Variants in TACC2 observed in about 807,000 individuals in gnomAD.
TACC2 encodes the protein transforming acidic coiled-coil-containing protein 2.
Under a neutral mutation model 227.3 loss-of-function variants are expected in TACC2, and 137 were observed. That is an observed-to-expected ratio of 0.60 (90% CI 0.52 to 0.69). The LOEUF is 0.69. Among genes scored for constraint, TACC2 ranks in the 30% least tolerant of loss-of-function variants. The pLI, the probability that TACC2 is intolerant of heterozygous loss-of-function variation, is 0.00. For missense variants in TACC2, 3,470 were observed against 3,694.4 expected (o/e 0.94, Z 1.57); for synonymous variants, 1,523 against 1,487.5 (o/e 1.02, Z -0.55).
chr10:122,064,905 A>G (rs1221431078), intron 3 of TACC2, among the ~76,000 whole-genome samples: 1 of 152,134 alleles, frequency 6.6e-6, no homozygotes, highest in Non-Finnish European at 1.5e-5. Flanking sequence ...GGTCATTTTC[A>G]TCATACCAGA....
intron 5 of TACC2, among the ~76,000 whole-genome samples, chr10:122,089,427 C>G (rs896278075): frequency 2.0e-5 from 3 of 152,238 alleles, no homozygotes; most frequent in Non-Finnish European, 4.4e-5. Context: ...TCTCGAGATT[C>G]AAGGAGGGTA....
At chr10:122,023,105 C>T (rs552827290) in intron 2 of TACC2, 3 of 152,166 alleles carry the variant, frequency 2.0e-5, no homozygotes, top group South Asian at 4.2e-4. Flanking sequence ...TGCAGTGGCA[C>T]AATCTCCGTC....
chr10:122,102,125 A>C (rs1202317665), intron 5 of TACC2, among the ~76,000 whole-genome samples: 1 of 152,020 alleles, frequency 6.6e-6, no homozygotes, highest in Non-Finnish European at 1.5e-5. Context: ...TTTATGGGCC[A>C]CCCTTTAAGT....
intron 7 of TACC2, among the ~76,000 whole-genome samples, chr10:122,155,570 G>T (rs1217656012): frequency 6.6e-6 from 1 of 152,166 alleles, no homozygotes; most frequent in African/African-American, 2.4e-5. Context: ...TTAGGTGAGG[G>T]TGTTGGCTCT....
In TACC2 at chr10:122,210,995, G is replaced by C; in HGVS notation, c.6570G>C (p.Glu2190Asp). Residue 2190 changes from glutamate to aspartate, a missense_variant, in exon 9 of 23, where the codon GAG (glutamate) becomes GAC (aspartate). Transcript: ENST00000369005. This position sits in a 1 kb window ranked among gnomAD's most constrained non-coding sequence, Gnocchi z 4.6. ...GTCCTAGCCCAGCCTTATTGGAGGA[G>C]ACGCCCCTTGAGCCCGCTGTGGGGC... ...TEGPSPALLEETPLEPAVGPK... is the reference protein window; with the variant it reads ...TEGPSPALLEDTPLEPAVGPK... The C allele has an allele frequency of 6.2e-7, 1 of 1,613,126 alleles. No individual in the cohort carries two copies. The highest frequency in any genetic ancestry group is 8.5e-7 in the Non-Finnish European group (1 of 1,179,670).
Position 122,085,685 on chromosome 10 carries a change from C to A in TACC2, c.3185C>A (p.Ala1062Asp). ...CTGGATGCAGTTCCCTGCCTGCCAGCCCTGGCGCCCGCCAGCCCCGGAGTC... is the reference window on the plus strand; with the variant it reads ...CTGGATGCAGTTCCCTGCCTGCCAGACCTGGCGCCCGCCAGCCCCGGAGTC... ...ALLDAVPCLP[A>D]LAPASPGVTP... The change falls in exon 4 of 23, where the codon GCC becomes GAC. Residue 1062 changes from alanine (A) to aspartate (D), a missense_variant. Around this residue, in one of 10 missense-constraint regions of TACC2, gnomAD observed 1,924 missense variants for 1,978.3 expected, o/e 0.97. Coordinates refer to ENST00000369005, the MANE Select transcript of TACC2 (RefSeq NM_206862.4). 1 of 1,613,750 alleles carries A rather than the reference C, an allele frequency of 6.2e-7. No individual in the cohort carries two copies. Among genetic ancestry groups the A allele is most frequent in the Non-Finnish European group, 8.5e-7 (1 of 1,180,028 alleles).
intron 3 of TACC2, among the ~76,000 whole-genome samples, chr10:122,065,419 C>G (rs2077273888): frequency 6.6e-6 from 1 of 152,040 alleles, no homozygotes. Context: ...GTTATTGTTT[C>G]CAAATAGTTG....
chr10:122,167,991 A>T lies in TACC2; in HGVS notation c.5834+24285A>T, dbSNP rs368738438. 3.5e-3 allele frequency among the ~76,000 whole-genome samples: 519 copies of T among 147,058 alleles called. 1 individual carries two copies. Among genetic ancestry groups the T allele is most frequent in the Middle Eastern group, 7.2e-3 (2 of 276 alleles). On this transcript the variant is annotated intron_variant, in intron 7 of 22. Transcript: ENST00000369005. ...AGCCTCCACCTTCCGGACTCAAGGG[A>T]TTTTCCTACCTCATCCTCTCAAGTA... is the stretch of plus-strand genomic sequence containing the variant.
intron 1 of TACC2, among the ~76,000 whole-genome samples, chr10:122,018,876 G>A (rs1957003657): frequency 6.6e-6 from 1 of 152,136 alleles, no homozygotes; most frequent in Non-Finnish European, 1.5e-5. Context: ...CACCTCCAAG[G>A]AGCTCCTAAG....
intron 8 of TACC2, among the ~76,000 whole-genome samples, chr10:122,203,282 CA>C (rs1565603231): frequency 0.024 from 3,371 of 139,418 alleles, 315 homozygotes; most frequent in African/African-American, 0.082. Flanking sequence ...GCTGGCCGGG[CA>C]GAGGGGCTCC....
At chr10:122,124,439 C>A (rs2086436941) in intron 5 of TACC2, among the ~76,000 whole-genome samples, 1 of 152,196 alleles carries the variant, frequency 6.6e-6, no homozygotes, top group Non-Finnish European at 1.5e-5. Context: ...GCATTATCTT[C>A]TGAATATTCT....
At chr10:122,241,154 G>C (rs995210019) in intron 18 of TACC2, among the ~76,000 whole-genome samples, 1 of 152,194 alleles carries the variant, frequency 6.6e-6, no homozygotes, top group Admixed American at 6.5e-5. Context: ...AGAAGGCCGA[G>C]AGCAAACAAG....
chr10:122,153,532 G>A (rs1027845278), intron 7 of TACC2, among the ~76,000 whole-genome samples: 1 of 152,168 alleles, frequency 6.6e-6, no homozygotes, highest in Admixed American at 6.5e-5. Flanking sequence ...CTCGGGTTTC[G>A]AGTCCCAGAG....
chr10:122,177,117 G>A (rs1011883503), intron 7 of TACC2, among the ~76,000 whole-genome samples: 2 of 152,288 alleles, frequency 1.3e-5, no homozygotes, highest in African/African-American at 4.8e-5. Flanking sequence ...CAGCTTTTCA[G>A]AGCCACTCCT....
At chr10:122,231,820 G>C (rs1255891379) in intron 16 of TACC2, among the ~76,000 whole-genome samples, 1 of 152,184 alleles carries the variant, frequency 6.6e-6, no homozygotes, top group Admixed American at 6.5e-5. Flanking sequence ...CAGCCAAGGT[G>C]ACAGAGCGAG....
chr10:122,172,460 G>A (rs966085263), intron 7 of TACC2, among the ~76,000 whole-genome samples: 7 of 152,120 alleles, frequency 4.6e-5, no homozygotes, highest in African/African-American at 1.4e-4. Flanking sequence ...AGCCTCTCAC[G>A]GTGACTCCTC....
At chr10:122,218,421 A>G (rs1488709770) in intron 11 of TACC2, among the ~76,000 whole-genome samples, 1 of 151,524 alleles carries the variant, frequency 6.6e-6, no homozygotes. Flanking sequence ...TCGTAACTCA[A>G]AAACTCCCAA....
At chr10:122,240,715 A>G (rs141385345) in intron 18 of TACC2, among the ~76,000 whole-genome samples, 36 of 152,194 alleles carry the variant, frequency 2.4e-4, no homozygotes, top group African/African-American at 8.7e-4. Context: ...TTCAACAGTT[A>G]TCCGCTCTTG....
intron 7 of TACC2, among the ~76,000 whole-genome samples, chr10:122,179,526 C>A (rs762428522): frequency 1.3e-5 from 2 of 152,162 alleles, no homozygotes; most frequent in African/African-American, 2.4e-5. Flanking sequence ...TCACTTTAAC[C>A]CCTACTTTTA....
Sources: allele counts gnomAD v4.1 joint callset (sites outside exome capture counted in the v4.1 genomes callset), GRCh38; gene constraint gnomAD v4.1.1; regional missense constraint gnomAD v4.1.1; non-coding constraint Gnocchi (gnomAD v3.1); transcripts MANE v1.5; gene names NCBI Gene and HGNC (gene_info 2026-07-23, HGNC 2026-07-21).